AMBRA1: variants seen among roughly 807,000 people sequenced by gnomAD.
AMBRA1 encodes autophagy and beclin 1 regulator 1, also known as activating molecule in BECN1-regulated autophagy protein 1.
AMBRA1 carries 47 observed loss-of-function variants against 125.4 expected under a neutral mutation model. The observed-to-expected ratio is 0.37, with a 90% CI of 0.30 to 0.48. AMBRA1 has a LOEUF of 0.48. AMBRA1 is among the 20% of genes least tolerant of loss of function. The pLI is 0.99. For synonymous variants in AMBRA1, 626 were observed against 655.5 expected (o/e 0.95, Z 0.69); for missense variants, 1,331 against 1,693.4 (o/e 0.79, Z 3.76).
chr11:46,542,247 G>A lies in AMBRA1; in HGVS notation c.1770C>T (p.Asn590=), dbSNP rs745404629. The change falls in exon 7 of 18, where the codon AAC becomes AAT. Residue 590 remains asparagine, a synonymous_variant. Transcript: ENST00000683756. This position sits in a 1 kb window ranked among gnomAD's most constrained non-coding sequence, Gnocchi z 5.9. The stretch of plus-strand genomic sequence containing the variant: ...AGGAACTAGCCTCGCCAGAGGAGTA[G>A]TTAGGTGTGGTTCTTTCCCAGCGCA... ...DTLRWERTTP[N]YSSGEASSSW... is the part of the protein sequence containing the mutation. 25 of 1,614,002 alleles carry A rather than the reference G, an allele frequency of 1.5e-5. No homozygotes were observed. The Admixed American group carries it at 1.8e-4, about 12-fold the overall frequency.
intron 9 of AMBRA1, among the ~76,000 whole-genome samples, chr11:46,500,403 C>A (rs1323454774): frequency 6.6e-6 from 1 of 152,186 alleles, no homozygotes; most frequent in Non-Finnish European, 1.5e-5. Flanking sequence ...TCAATACTTA[C>A]AATGCAACCC....
intron 12 of AMBRA1, among the ~76,000 whole-genome samples, chr11:46,435,619 A>G (rs1429334695): frequency 1.3e-5 from 2 of 152,248 alleles, no homozygotes; most frequent in African/African-American, 4.8e-5. Flanking sequence ...TAACTCTACC[A>G]AGAGAGGAAA....
chr11:46,551,542 G>A (rs2042998024), intron 1 of AMBRA1, among the ~76,000 whole-genome samples: 1 of 152,094 alleles, frequency 6.6e-6, no homozygotes, highest in African/African-American at 2.4e-5. Context: ...TTTGAAAAAG[G>A]TAAATCTGTT....
intron 11 of AMBRA1, among the ~76,000 whole-genome samples, chr11:46,490,441 C>T (rs1488894560): frequency 2.0e-5 from 3 of 152,140 alleles, no homozygotes; most frequent in African/African-American, 7.2e-5. Context: ...CAATAACTTA[C>T]TCTTCACCTT....
intron 1 of AMBRA1, among the ~76,000 whole-genome samples, chr11:46,554,633 T>C (rs2043110575): frequency 6.6e-6 from 1 of 152,198 alleles, no homozygotes; most frequent in South Asian, 2.1e-4. Context: ...TCTCCTGATA[T>C]GCTCTTACCA....
At chr11:46,401,467 C>T (rs1945756186) in intron 17 of AMBRA1, among the ~76,000 whole-genome samples, 1 of 152,206 alleles carries the variant, frequency 6.6e-6, no homozygotes, top group South Asian at 2.1e-4. Context: ...TATCAGACTC[C>T]TGACCTTGTG....
At chr11:46,465,078 C>A (rs550859784) in intron 11 of AMBRA1, among the ~76,000 whole-genome samples, 94 of 152,082 alleles carry the variant, frequency 6.2e-4, no homozygotes, top group African/African-American at 2.2e-3. Context: ...AAAATAAACA[C>A]CAAGACAATA....
intron 11 of AMBRA1, among the ~76,000 whole-genome samples, chr11:46,484,371 T>C (rs1045769873): frequency 6.6e-6 from 1 of 152,206 alleles, no homozygotes; most frequent in Non-Finnish European, 1.5e-5. Context: ...TCTGGCATTA[T>C]ACTGAGTCAT....
chr11:46,488,274 G>A (rs556685947), intron 11 of AMBRA1, among the ~76,000 whole-genome samples: 2 of 152,124 alleles, frequency 1.3e-5, no homozygotes, highest in East Asian at 3.9e-4. Context: ...TGGCCAATAT[G>A]GTGAAACCCC....
chr11:46,497,143 T>A (rs1054195036), intron 9 of AMBRA1, among the ~76,000 whole-genome samples: 2 of 150,112 alleles, frequency 1.3e-5, no homozygotes, highest in Non-Finnish European at 3.0e-5. Flanking sequence ...TAAAATAAAA[T>A]AAAAAAATAA....
chr11:46,434,324 T>TA (rs889509657), intron 13 of AMBRA1, among the ~76,000 whole-genome samples: 202 of 144,212 alleles, frequency 1.4e-3, no homozygotes, highest in Middle Eastern at 0.011. Flanking sequence ...AGTCAACTCT[T>TA]AAAAAAAAAA....
At chr11:46,545,241 C>T (rs1952961214) in intron 5 of AMBRA1, among the ~76,000 whole-genome samples, 1 of 147,014 alleles carries the variant, frequency 6.8e-6, no homozygotes, top group Admixed American at 6.9e-5. Context: ...GGGCGGATCA[C>T]TTAAGGCCAG....
chr11:46,539,993 G>A (rs1208193543), intron 7 of AMBRA1, among the ~76,000 whole-genome samples: 3 of 151,998 alleles, frequency 2.0e-5, no homozygotes, highest in Admixed American at 6.6e-5. Context: ...CACCAAGCCC[G>A]GCTAATTTTT....
chr11:46,453,183 C>A (rs1948698745), intron 11 of AMBRA1, among the ~76,000 whole-genome samples: 1 of 152,150 alleles, frequency 6.6e-6, no homozygotes, highest in Non-Finnish European at 1.5e-5. Flanking sequence ...TGGTAGGTGG[C>A]CTTCTGTGTC....
chr11:46,467,835 T>G (rs1949393670), intron 11 of AMBRA1, among the ~76,000 whole-genome samples: 1 of 152,164 alleles, frequency 6.6e-6, no homozygotes, highest in South Asian at 2.1e-4. Flanking sequence ...TACTGTTAAT[T>G]TAGAAGAGAT....
At chr11:46,415,573 G>T (rs1450883058) in intron 15 of AMBRA1, among the ~76,000 whole-genome samples, 3 of 152,214 alleles carry the variant, frequency 2.0e-5, no homozygotes, top group East Asian at 3.8e-4. Context: ...AAGCTTTGAA[G>T]AACTTAAGTC....
At chr11:46,426,197 G>C (rs542263749) in intron 14 of AMBRA1, among the ~76,000 whole-genome samples, 1 of 152,200 alleles carries the variant, frequency 6.6e-6, no homozygotes, top group Admixed American at 6.5e-5. Flanking sequence ...CAGTGATAGT[G>C]GTGGTGAGCA....
rs202034039 is a variant in AMBRA1, at chr11:46,587,642, A to C, written c.-121+6186T>G. ...AAGACTCTAATCCCTGTAAATACCC[A>C]GGGCTCGCCTCACTCCTTCTTCCCT... On this transcript the variant is annotated intron_variant, in intron 1 of 17. Coordinates refer to ENST00000683756, the MANE Select transcript of AMBRA1 (RefSeq NM_001387011.1). Among the ~76,000 whole-genome samples, 7 of 152,258 alleles carry C rather than the reference A, an allele frequency of 4.6e-5. No homozygotes were observed. In the East Asian group the frequency reaches 1.3e-3, roughly 29 times the overall value.
chr11:46,542,049 G>A lies in AMBRA1; in HGVS notation c.1968C>T (p.His656=). 1.2e-6 allele frequency: 2 copies of A among 1,613,890 alleles called. No individual in the cohort carries two copies. Among genetic ancestry groups the A allele is most frequent in the Non-Finnish European group, 1.7e-6 (2 of 1,179,926 alleles). ...VGVAFNQETG[H]WERIYTQSSR... The stretch of plus-strand genomic sequence containing the variant: ...TGGACTGGGTGTAAATTCTTTCCCA[G>A]TGGCCTGTCTCCTGGTTAAAGGCCA... The change falls in exon 7 of 18, where the codon CAC becomes CAT. Residue 656 remains histidine, a synonymous_variant. Coordinates refer to ENST00000683756, the MANE Select transcript of AMBRA1 (RefSeq NM_001387011.1). The surrounding 1 kb of genome is among the most constrained non-coding windows in gnomAD (Gnocchi z 5.9).
Sources: allele counts gnomAD v4.1 joint callset (sites outside exome capture counted in the v4.1 genomes callset), GRCh38; gene constraint gnomAD v4.1.1; non-coding constraint Gnocchi (gnomAD v3.1); transcripts MANE v1.5; gene names NCBI Gene and HGNC (gene_info 2026-07-23, HGNC 2026-07-21).